Variants in CABP1 observed in about 807,000 individuals in gnomAD.
The protein encoded by CABP1 is calcium-binding protein 1.
A neutral mutation model predicts 34.3 loss-of-function variants in CABP1; 17 were observed. The observed-to-expected ratio is 0.50, with a 90% CI of 0.34 to 0.74. The LOEUF (loss-of-function observed/expected upper bound fraction) is 0.74, where lower values mean the gene tolerates loss of function less well. Among genes scored for constraint, CABP1 ranks in the 30% least tolerant of loss-of-function variants. CABP1 has a pLI of 0.01. For synonymous variants in CABP1, 198 were observed against 229.2 expected (o/e 0.86, Z 1.23); for missense variants, 373 against 511.1 (o/e 0.73, Z 2.61).
At chr12:120,678,404 T>C in the CABP1 span, among the ~76,000 whole-genome samples, 3 of 152,190 alleles carry the variant, frequency 2.0e-5, no homozygotes, top group African/African-American at 7.2e-5. Context: ...TTTTCTCCCT[T>C]GGGGAGAAGG....
At chr12:120,663,421 T>G (rs1386636981) in intron 5 of CABP1, among the ~76,000 whole-genome samples, 1 of 151,802 alleles carries the variant, frequency 6.6e-6, no homozygotes, top group African/African-American at 2.4e-5. Flanking sequence ...ACTATAGGGG[T>G]GCACCACCAT....
At chr12:120,654,526 G>A (rs1004723548) in intron 1 of CABP1, among the ~76,000 whole-genome samples, 5 of 152,060 alleles carry the variant, frequency 3.3e-5, no homozygotes, top group Admixed American at 2.6e-4. Context: ...GATAGGGTGC[G>A]CAGACCTGCA....
the CABP1 span, among the ~76,000 whole-genome samples, chr12:120,677,214 A>G: frequency 2.3e-4 from 35 of 151,286 alleles, no homozygotes; most frequent in African/African-American, 8.0e-4. Flanking sequence ...CAGCCTCCCA[A>G]GTAGCTGGGA....
At position 120,641,481 on chromosome 12, in the gene CABP1, G is replaced by A; in HGVS notation, c.654+142G>A. 1.0e-6 allele frequency: 1 copy of A among 964,696 alleles called. No individual in the cohort carries two copies. Among genetic ancestry groups the A allele is most frequent in the Non-Finnish European group, 1.3e-6 (1 of 744,988 alleles). The allele number at this position is 964,696 out of a possible 1,614,324, so 59.8% of individuals were successfully genotyped here. ...GGCTCACCTCGTCCTCCCCGGGCCG[G>A]CGCCCTTGCCGGCACTCCTCCTCCC... is the stretch of plus-strand genomic sequence containing the variant. On this transcript the variant is annotated intron_variant, in intron 1 of 5. Coordinates refer to ENST00000316803, the MANE Select transcript of CABP1 (RefSeq NM_001033677.2). The surrounding 1 kb of genome is among the most constrained non-coding windows in gnomAD (Gnocchi z 6.7).
chr12:120,656,759 G>A (rs972778577), intron 1 of CABP1, among the ~76,000 whole-genome samples: 3 of 152,206 alleles, frequency 2.0e-5, no homozygotes. Flanking sequence ...GCTAGGCATG[G>A]TGGCGGGTGC....
downstream of CABP1, among the ~76,000 whole-genome samples, chr12:120,668,703 T>A (rs980792134): frequency 6.6e-6 from 1 of 152,224 alleles, no homozygotes; most frequent in Non-Finnish European, 1.5e-5. Flanking sequence ...AGTGGAATCA[T>A]GCAATTGAAA....
chr12:120,668,154 G>C (rs997997404), downstream of CABP1, among the ~76,000 whole-genome samples: 3 of 152,106 alleles, frequency 2.0e-5, no homozygotes, highest in African/African-American at 7.2e-5. Context: ...GATGTCAAGG[G>C]TTTTGCTCTG....
chr12:120,665,643 T>C (rs1880922715), intron 5 of CABP1, among the ~76,000 whole-genome samples: 1 of 152,008 alleles, frequency 6.6e-6, no homozygotes, highest in African/African-American at 2.4e-5. Context: ...TGGGAGGCTA[T>C]GCGTATGCGG....
chr12:120,640,791 G>C lies in CABP1; in HGVS notation c.106G>C (p.Gly36Arg). 8.9e-7 allele frequency: 1 copy of C among 1,118,290 alleles called. No individual in the cohort carries two copies. Among genetic ancestry groups the C allele is most frequent in the Non-Finnish European group, 1.1e-6 (1 of 916,398 alleles). The allele number at this position is 1,118,290 out of a possible 1,614,324, so 69.3% of individuals were successfully genotyped here. ...SRREPRSLPAGGPAPRRTAPP... is the reference protein window; with the variant it reads ...SRREPRSLPARGPAPRRTAPP... Reference sequence around the variant, plus strand: ...CCGGGAGCCCCGTTCTCTGCCCGCCGGGGGCCCCGCGCCGCGCCGCACCGC... The same window carrying C: ...CCGGGAGCCCCGTTCTCTGCCCGCCCGGGGCCCCGCGCCGCGCCGCACCGC... The change falls in exon 1 of 6, where the codon GGG becomes CGG. Residue 36 changes from glycine (G) to arginine (R), a missense_variant. This residue lies in a region of CABP1 where 134 missense variants were observed against 145.4 expected (regional missense o/e 0.92). Transcript: ENST00000316803. This position sits in a 1 kb window ranked among gnomAD's most constrained non-coding sequence, Gnocchi z 6.2.
At chr12:120,677,020 G>C in the CABP1 span, among the ~76,000 whole-genome samples, 1 of 151,904 alleles carries the variant, frequency 6.6e-6, no homozygotes, top group Non-Finnish European at 1.5e-5. Context: ...CCAGGAGTTT[G>C]AGTGCAGCCT....
At chr12:120,670,305 T>C (rs886940489), downstream of CABP1, among the ~76,000 whole-genome samples, 4 of 152,184 alleles carry the variant, frequency 2.6e-5, no homozygotes, top group Non-Finnish European at 4.4e-5. Flanking sequence ...ACTTGTCTTA[T>C]ATTTTGGGGT....
chr12:120,652,363 C>CT (rs34224330), intron 1 of CABP1, among the ~76,000 whole-genome samples: 7,550 of 147,570 alleles, frequency 0.051, 383 homozygotes, highest in African/African-American at 0.13. Flanking sequence ...TTAATAATTG[C>CT]TTTTTTTTTT....
At chr12:120,675,961 A>T in the CABP1 span, among the ~76,000 whole-genome samples, 1 of 152,274 alleles carries the variant, frequency 6.6e-6, no homozygotes, top group South Asian at 2.1e-4. Context: ...CTGTAATTCC[A>T]GCTACTTGGG....
At chr12:120,658,100 T>A (rs1880360849) in intron 1 of CABP1, among the ~76,000 whole-genome samples, 1 of 147,328 alleles carries the variant, frequency 6.8e-6, no homozygotes, top group Admixed American at 6.7e-5. Flanking sequence ...TTTTTTTTTT[T>A]TTTTTTTTTT....
intron 1 of CABP1, among the ~76,000 whole-genome samples, chr12:120,657,480 A>G (rs1454056405): frequency 6.6e-6 from 1 of 152,128 alleles, no homozygotes; most frequent in Admixed American, 6.5e-5. Flanking sequence ...CTTCATACTC[A>G]GGTCTGTCTG....
the CABP1 span, among the ~76,000 whole-genome samples, chr12:120,676,586 C>G: frequency 6.6e-6 from 1 of 152,056 alleles, no homozygotes; most frequent in South Asian, 2.1e-4. Flanking sequence ...CGCCACCACA[C>G]CCGGCTAATT....
intron 1 of CABP1, among the ~76,000 whole-genome samples, chr12:120,644,315 T>C (rs1879458321): frequency 6.6e-6 from 1 of 152,210 alleles, no homozygotes; most frequent in Admixed American, 6.5e-5. Context: ...ATTGCTATTA[T>C]TAATAGGGTA....
At chr12:120,666,703 C>A (rs968586011) in intron 5 of CABP1, among the ~76,000 whole-genome samples, 172 bp from the exon 6 acceptor site, 3 of 152,164 alleles carry the variant, frequency 2.0e-5, no homozygotes, top group African/African-American at 7.2e-5. Flanking sequence ...GCGGTCAGAT[C>A]CGCAGATTAG....
At chr12:120,670,672 C>T (rs1038192053), downstream of CABP1, among the ~76,000 whole-genome samples, 9 of 152,088 alleles carry the variant, frequency 5.9e-5, no homozygotes, top group East Asian at 1.9e-4. Flanking sequence ...CACTTGAACC[C>T]GGGAGGCAGA....
Sources: gnomAD v4.1 joint callset for allele counts (sites outside exome capture counted in the v4.1 genomes callset) on GRCh38, gnomAD v4.1.1 for gene constraint, gnomAD v4.1.1 regional missense constraint, Gnocchi (gnomAD v3.1) non-coding constraint, MANE v1.5 for transcripts, NCBI Gene and HGNC (gene_info 2026-07-23, HGNC 2026-07-21) for gene names.